The following SNTB1 variants were observed in gnomAD, a reference collection of about 807,000 sequenced individuals.
SNTB1 encodes the protein syntrophin beta 1.
A neutral mutation model predicts 48.9 loss-of-function variants in SNTB1; 36 were observed. That is an observed-to-expected ratio of 0.74 (90% CI 0.56 to 0.97). The LOEUF (loss-of-function observed/expected upper bound fraction) is 0.97. SNTB1 is among the 50% of genes least tolerant of loss of function. The pLI, the probability that SNTB1 is intolerant of heterozygous loss-of-function variation, is 0.00. For missense variants in SNTB1, 786 were observed against 703.4 expected, an observed-to-expected ratio of 1.12 and a Z score of -1.33; for synonymous variants, 299 against 294.6, an observed-to-expected ratio of 1.01 and a Z score of -0.15.
At chr8:120,710,054 A>G (rs2129915057) in intron 1 of SNTB1, among the ~76,000 whole-genome samples, 1 of 152,286 alleles carries the variant, frequency 6.6e-6, no homozygotes, top group East Asian at 1.9e-4. Flanking sequence ...TTATGTTCCA[A>G]GTTATCCATA....
At chr8:120,789,450 T>G (rs1379899798) in intron 1 of SNTB1, among the ~76,000 whole-genome samples, 1 of 151,834 alleles carries the variant, frequency 6.6e-6, no homozygotes, top group Non-Finnish European at 1.5e-5. Flanking sequence ...AACAAAAAGC[T>G]GGTTCTTTGA....
At chr8:120,728,333 C>T (rs1818795124) in intron 1 of SNTB1, among the ~76,000 whole-genome samples, 2 of 152,124 alleles carry the variant, frequency 1.3e-5, no homozygotes, top group South Asian at 4.1e-4. Context: ...TATTTTTTCT[C>T]CTTTTTCAAA....
In SNTB1 at chr8:120,593,119, T is replaced by TA. The variant is rs202212669; in HGVS notation, c.997-17895dup. Among the ~76,000 whole-genome samples, 1,298 of 151,730 alleles carry TA rather than the reference T, an allele frequency of 8.6e-3. 16 individuals are homozygous for TA. Among genetic ancestry groups the TA allele is most frequent in the African/African-American group, 0.029 (1,214 of 41,346 alleles). The stretch of plus-strand genomic sequence containing the variant: ...CTTTGATTTTCCATCTTCTCAAACT[T>TA]AAAAAAAAATCAGTTGTAAAGTTTT... On this transcript the variant is annotated intron_variant, in intron 3 of 6. Coordinates refer to ENST00000517992, the MANE Select transcript of SNTB1 (RefSeq NM_021021.4).
At chr8:120,701,858 A>C (rs1408559191) in intron 1 of SNTB1, among the ~76,000 whole-genome samples, 1 of 152,242 alleles carries the variant, frequency 6.6e-6, no homozygotes, top group African/African-American at 2.4e-5. Context: ...AGTTGAGAGT[A>C]AAATAAACTA....
chr8:120,811,669 C>T lies in SNTB1; in HGVS notation c.175G>A (p.Gly59Ser). 6.3e-7 allele frequency: 1 copy of T among 1,592,714 alleles called. No individual in the cohort carries two copies. ...GAGCCATTGGTGGCGGTCCCGATGC[C>T]GTTGTACGCCGCAGCGCCCTCCTCG... ...SSEEGAAAYN[G>S]IGTATNGSFC... The change falls in exon 1 of 7, where the codon GGC becomes AGC. Residue 59 changes from glycine to serine, a missense_variant. Gly to Ser is a moderately conservative substitution (Grantham distance 56, BLOSUM62 0). Coordinates refer to ENST00000517992, the MANE Select transcript of SNTB1 (RefSeq NM_021021.4).
rs181018967 is a variant in SNTB1, at chr8:120,618,436, C to T, written c.996+14008G>A. On this transcript the variant is annotated intron_variant, in intron 3 of 6. Transcript: ENST00000517992. ...TGTTTTCTTACAAATTATCTACCTC[C>T]CCTGCTGAAAGTAAGCTCCAGTGCA... 1.2e-4 allele frequency among the ~76,000 whole-genome samples: 19 copies of T among 152,286 alleles called. No individual in the cohort carries two copies. In the East Asian group the frequency reaches 1.5e-3, roughly 12 times the overall value.
At chr8:120,652,334 G>A (rs1803244349) in intron 2 of SNTB1, among the ~76,000 whole-genome samples, 1 of 152,164 alleles carries the variant, frequency 6.6e-6, no homozygotes, top group African/African-American at 2.4e-5. Context: ...CAGGCCCAGA[G>A]TTTCTACTGA....
At position 120,643,943 on chromosome 8, in the gene SNTB1, C is replaced by A. The variant is rs28408861; in HGVS notation, c.789-11292G>T. On this transcript the variant is annotated intron_variant, in intron 2 of 6. Transcript: ENST00000517992. ...TAGAAGTGAGTCACTAAGTCCAATA[C>A]ACATTCAAGAAAATGAGAATTAGGC... Among the ~76,000 whole-genome samples, 1,259 of 152,232 alleles carry A rather than the reference C, an allele frequency of 8.3e-3. 15 individuals are homozygous for A. Among genetic ancestry groups the A allele is most frequent in the African/African-American group, 0.029 (1,194 of 41,552 alleles).
At chr8:120,670,774 G>A (rs1219479786) in intron 2 of SNTB1, among the ~76,000 whole-genome samples, 2 of 152,156 alleles carry the variant, frequency 1.3e-5, no homozygotes, top group African/African-American at 4.8e-5. Flanking sequence ...GAAGCTCTGG[G>A]TTTGAGTCTC....
chr8:120,681,981 G>T (rs79830055), intron 2 of SNTB1, among the ~76,000 whole-genome samples: 1 of 151,210 alleles, frequency 6.6e-6, no homozygotes, highest in African/African-American at 2.4e-5. Context: ...AAGAATTAAC[G>T]GAAAATATGA....
At chr8:120,784,832 A>C (rs1217622974) in intron 1 of SNTB1, among the ~76,000 whole-genome samples, 1 of 152,240 alleles carries the variant, frequency 6.6e-6, no homozygotes, top group East Asian at 1.9e-4. Context: ...CTTGGAAAGA[A>C]GCAGTGGGCA....
intron 3 of SNTB1, among the ~76,000 whole-genome samples, chr8:120,602,107 A>C (rs1816430594): frequency 6.6e-6 from 1 of 152,250 alleles, no homozygotes; most frequent in African/African-American, 2.4e-5. Flanking sequence ...TTTATTTCAT[A>C]AAGTTTTTGG....
chr8:120,644,469 A>G (rs1325133654), intron 2 of SNTB1, among the ~76,000 whole-genome samples: 1 of 152,054 alleles, frequency 6.6e-6, no homozygotes, highest in East Asian at 1.9e-4. Flanking sequence ...AATTTCATCC[A>G]TGTCCCTACA....
rs1820447784 is a variant in SNTB1, at chr8:120,811,950, C to T, written c.-107G>A. 5.5e-6 allele frequency: 7 copies of T among 1,272,406 alleles called. No individual in the cohort carries two copies. The highest frequency in any genetic ancestry group is 6.9e-6 in the Non-Finnish European group (7 of 1,013,902). 78.8% of individuals were successfully genotyped at this position (1,272,406 alleles called of 1,614,324 possible). A position where few individuals can be genotyped will look rare whatever the true frequency, so the allele number is the denominator to read the frequency against. ...CCGGGGGAGCGAGGAGAGTGCGTCC[C>T]GCGGGGAGGTGGCGGCACGCGGGAC... On this transcript the variant is annotated 5_prime_UTR_variant, in exon 1 of 7. Coordinates refer to ENST00000517992, the MANE Select transcript of SNTB1 (RefSeq NM_021021.4).
At chr8:120,679,819 C>T (rs888307503) in intron 2 of SNTB1, among the ~76,000 whole-genome samples, 7 of 151,848 alleles carry the variant, frequency 4.6e-5, no homozygotes, top group African/African-American at 1.7e-4. Flanking sequence ...AGTGGCTTAG[C>T]TCTCATCATG....
chr8:120,648,516 G>A (rs1257599578), intron 2 of SNTB1, among the ~76,000 whole-genome samples: 1 of 151,964 alleles, frequency 6.6e-6, no homozygotes, highest in Non-Finnish European at 1.5e-5. Context: ...CTGGCTTGTA[G>A]GGTTTCTGCC....
At chr8:120,665,625 T>C (rs763309927) in intron 2 of SNTB1, among the ~76,000 whole-genome samples, 1 of 152,200 alleles carries the variant, frequency 6.6e-6, no homozygotes, top group Admixed American at 6.5e-5. Flanking sequence ...GTGTTTTTGG[T>C]GTCTTATCTA....
At chr8:120,785,866 A>G (rs1296976683) in intron 1 of SNTB1, among the ~76,000 whole-genome samples, 3 of 152,254 alleles carry the variant, frequency 2.0e-5, no homozygotes, top group African/African-American at 4.8e-5. Context: ...CACAGCACTC[A>G]GGAAGGAAAA....
intron 1 of SNTB1, among the ~76,000 whole-genome samples, chr8:120,716,288 T>C (rs1451817511): frequency 3.3e-5 from 5 of 152,224 alleles, no homozygotes; most frequent in Non-Finnish European, 5.9e-5. Context: ...ATCATGATTA[T>C]TGACAATTTT....
Sources: allele counts gnomAD v4.1 joint callset (sites outside exome capture counted in the v4.1 genomes callset), GRCh38; gene constraint gnomAD v4.1.1; transcripts MANE v1.5; gene names NCBI Gene and HGNC (gene_info 2026-07-23, HGNC 2026-07-21).